Variants in CNTNAP2 observed in about 807,000 individuals in gnomAD.
CNTNAP2 encodes the protein contactin-associated protein-like 2.
Under a neutral mutation model 155.2 loss-of-function variants are expected in CNTNAP2, and 98 were observed. The observed-to-expected ratio is 0.63, with a 90% confidence interval of 0.54 to 0.75. The LOEUF (loss-of-function observed/expected upper bound fraction) is 0.75, where lower values mean the gene tolerates loss of function less well. Among genes scored for constraint, CNTNAP2 ranks in the 30% least tolerant of loss-of-function variants. The probability of loss-of-function intolerance (pLI) is 0.00; values close to 1 mark genes in which losing one functional copy is unlikely to be tolerated. For missense variants in CNTNAP2, 1,727 were observed against 1,688.1 expected (o/e 1.02, Z -0.40); for synonymous variants, 651 against 631.2 (o/e 1.03, Z -0.47).
intron 3 of CNTNAP2, among the ~76,000 whole-genome samples, chr7:146,847,153 C>T (rs1803857691): frequency 6.6e-6 from 1 of 151,830 alleles, no homozygotes; most frequent in Non-Finnish European, 1.5e-5. Flanking sequence ...TAAATGGGTA[C>T]CTACAAATAA....
intron 1 of CNTNAP2, among the ~76,000 whole-genome samples, chr7:146,351,306 C>T (rs1794911719): frequency 6.6e-6 from 1 of 151,618 alleles, no homozygotes; most frequent in Non-Finnish European, 1.5e-5. Context: ...ATTGGCTGAT[C>T]AAATAAAAAC....
At chr7:147,761,329 C>G (rs1389694306) in intron 13 of CNTNAP2, among the ~76,000 whole-genome samples, 1 of 152,142 alleles carries the variant, frequency 6.6e-6, no homozygotes, top group Non-Finnish European at 1.5e-5. Context: ...CATCTTTAAG[C>G]CTAATCACTT....
intron 5 of CNTNAP2, among the ~76,000 whole-genome samples, chr7:147,118,846 T>A (rs917441769): frequency 1.3e-5 from 2 of 152,188 alleles, no homozygotes; most frequent in African/African-American, 4.8e-5. Flanking sequence ...ATGTGGTGCA[T>A]GACTGTTTGT....
intron 17 of CNTNAP2, among the ~76,000 whole-genome samples, chr7:148,170,745 A>G (rs1178071950): frequency 6.6e-6 from 1 of 152,224 alleles, no homozygotes; most frequent in Non-Finnish European, 1.5e-5. Flanking sequence ...TGCAGGCATA[A>G]GCAGATGCTA....
At chr7:147,063,735 A>G (rs1799727072) in intron 4 of CNTNAP2, among the ~76,000 whole-genome samples, 1 of 152,202 alleles carries the variant, frequency 6.6e-6, no homozygotes, top group Admixed American at 6.5e-5. Context: ...CACTTATGTC[A>G]TAAAAATCCT....
chr7:148,340,249 A>G (rs1306887763), intron 21 of CNTNAP2, among the ~76,000 whole-genome samples: 1 of 152,230 alleles, frequency 6.6e-6, no homozygotes, highest in Non-Finnish European at 1.5e-5. Flanking sequence ...AAGTATCTGA[A>G]AAGTATCACC....
In CNTNAP2 at chr7:146,839,752, T is replaced by C. The variant is rs1554399226; in HGVS notation, c.250T>C (p.Trp84Arg). 3 of 1,614,212 alleles carry C rather than the reference T, an allele frequency of 1.9e-6. No individual in the cohort carries two copies. The highest frequency in any genetic ancestry group is 1.1e-5 in the South Asian group (1 of 91,084). ...WSPSDSDHYQ[W>R]LQVDFGNRKQ... The stretch of plus-strand genomic sequence containing the variant: ...TCCATCAGACAGCGACCATTATCAA[T>C]GGCTTCAGGTTGACTTTGGCAATCG... The change falls in exon 3 of 24, where the codon TGG becomes CGG. Residue 84 changes from tryptophan (W) to arginine (R), a missense_variant. Coordinates refer to ENST00000361727, the MANE Select transcript of CNTNAP2 (RefSeq NM_014141.6).
At chr7:147,111,062 G>T (rs189231927) in intron 5 of CNTNAP2, among the ~76,000 whole-genome samples, 37 of 152,134 alleles carry the variant, frequency 2.4e-4, no homozygotes, top group Middle Eastern at 3.4e-3. Flanking sequence ...TTTAATAATA[G>T]TCATTTTGAC....
intron 3 of CNTNAP2, among the ~76,000 whole-genome samples, chr7:146,924,653 C>G (rs1796569005): frequency 6.6e-6 from 1 of 151,944 alleles, no homozygotes; most frequent in Admixed American, 6.6e-5. Context: ...ATATATCACT[C>G]TATTCTCAGG....
At chr7:146,659,829 G>C (rs906470414) in intron 1 of CNTNAP2, among the ~76,000 whole-genome samples, 1 of 152,180 alleles carries the variant, frequency 6.6e-6, no homozygotes, top group Non-Finnish European at 1.5e-5. Flanking sequence ...CTCCAATTAA[G>C]CCTTTGGAGT....
At chr7:146,707,613 C>T (rs993880882) in intron 1 of CNTNAP2, among the ~76,000 whole-genome samples, 19 of 152,142 alleles carry the variant, frequency 1.2e-4, no homozygotes, top group African/African-American at 3.4e-4. Flanking sequence ...GACACCATCT[C>T]CATCTCTCAG....
In CNTNAP2 at chr7:147,458,055, G is replaced by C. The variant is rs148736296; in HGVS notation, c.1671-27880G>C. 2.0e-5 allele frequency among the ~76,000 whole-genome samples: 3 copies of C among 152,134 alleles called. No homozygotes were observed. In the East Asian group the frequency reaches 5.8e-4, roughly 29 times the overall value. ...ATGGATTTTTCACTCTAGGAAAGAG[G>C]TCATCACTTTATTAAACATTAAATA... On this transcript the variant is annotated intron_variant, in intron 10 of 23. Transcript: ENST00000361727.
intron 12 of CNTNAP2, among the ~76,000 whole-genome samples, chr7:147,574,117 T>C (rs1227614661): frequency 6.6e-6 from 1 of 152,168 alleles, no homozygotes; most frequent in Non-Finnish European, 1.5e-5. Flanking sequence ...CTAGAATGCT[T>C]TTCATTGTGG....
intron 15 of CNTNAP2, among the ~76,000 whole-genome samples, chr7:148,047,369 G>T (rs1369576995): frequency 6.6e-6 from 1 of 152,010 alleles, no homozygotes; most frequent in Non-Finnish European, 1.5e-5. Flanking sequence ...ATATGTTTTT[G>T]ATTCATTAAC....
intron 1 of CNTNAP2, among the ~76,000 whole-genome samples, chr7:146,678,599 A>T (rs75241985): frequency 6.6e-6 from 1 of 152,180 alleles, no homozygotes; most frequent in Non-Finnish European, 1.5e-5. Context: ...TTTCACTAGA[A>T]TAATTTATAT....
At chr7:146,762,502 G>C (rs1414958536) in intron 1 of CNTNAP2, among the ~76,000 whole-genome samples, 1 of 152,200 alleles carries the variant, frequency 6.6e-6, no homozygotes, top group Non-Finnish European at 1.5e-5. Flanking sequence ...GGGAGGCTGA[G>C]GCAGGAGAAT....
At position 148,174,426 on chromosome 7, in the gene CNTNAP2, C is replaced by CCG. The variant is rs1554400557; in HGVS notation, c.3010+1948_3010+1949insCG. On this transcript the variant is annotated intron_variant, in intron 18 of 23. Coordinates refer to ENST00000361727, the MANE Select transcript of CNTNAP2 (RefSeq NM_014141.6). ...CACAGCAGTTCCTGTGACCGCCCCC[C>CCG]ACCTCAGGCTGGTGCTTCAGCCAAA... is the stretch of plus-strand genomic sequence containing the variant. 8.6e-3 allele frequency among the ~76,000 whole-genome samples: 1,313 copies of CCG among 152,134 alleles called. 16 individuals carry two copies. Among genetic ancestry groups the CCG allele is most frequent in the African/African-American group, 0.03 (1,234 of 41,516 alleles).
chr7:146,280,897 G>A (rs1800240722), intron 1 of CNTNAP2, among the ~76,000 whole-genome samples: 1 of 152,140 alleles, frequency 6.6e-6, no homozygotes, highest in African/African-American at 2.4e-5. Flanking sequence ...AACCTTCTGA[G>A]CCAAAGAGAC....
chr7:146,712,492 T>G (rs1801114118), intron 1 of CNTNAP2, among the ~76,000 whole-genome samples: 2 of 142,302 alleles, frequency 1.4e-5, no homozygotes, highest in South Asian at 2.2e-4. Context: ...GAATAGAAAG[T>G]TTTTTTTTTT....
Sources: gnomAD v4.1 joint callset for allele counts (sites outside exome capture counted in the v4.1 genomes callset) on GRCh38, gnomAD v4.1.1 for gene constraint, MANE v1.5 for transcripts, NCBI Gene and HGNC (gene_info 2026-07-23, HGNC 2026-07-21) for gene names.